Variants in SEMA3A observed in about 807,000 individuals in gnomAD.
The protein encoded by SEMA3A is semaphorin-3A.
In SEMA3A, 29 loss-of-function variants were observed where a neutral mutation model predicts 97.9. The ratio of observed to expected loss-of-function variants is 0.30; its 90% CI spans 0.22 to 0.40. The LOEUF (loss-of-function observed/expected upper bound fraction) is 0.40. Ranked by LOEUF, SEMA3A falls within the 10% of genes least tolerant of loss-of-function variation. SEMA3A has a pLI of 1.00. For synonymous variants in SEMA3A, 321 were observed against 323.7 expected (o/e 0.99, Z 0.09); for missense variants, 763 against 951.3 (o/e 0.80, Z 2.60).
chr7:84,066,785 T>A (rs1014995787), intron 4 of SEMA3A, among the ~76,000 whole-genome samples: 23 of 152,074 alleles, frequency 1.5e-4, no homozygotes, highest in African/African-American at 3.6e-4. Flanking sequence ...TACAAACAAA[T>A]CGAAGAACAT....
intron 6 of SEMA3A, among the ~76,000 whole-genome samples, chr7:84,023,621 C>T (rs912780078): frequency 3.3e-5 from 5 of 152,110 alleles, no homozygotes; most frequent in African/African-American, 1.2e-4. Flanking sequence ...GCAGGGAAGG[C>T]GGAACATATA....
intron 1 of SEMA3A, among the ~76,000 whole-genome samples, chr7:84,430,213 G>T (rs747977689): frequency 2.6e-5 from 4 of 151,770 alleles, no homozygotes; most frequent in Non-Finnish European, 5.9e-5. Flanking sequence ...TATGACACAT[G>T]TTCAGAATAA....
chr7:84,375,956 G>C (rs542936612), intron 1 of SEMA3A, among the ~76,000 whole-genome samples: 2 of 152,110 alleles, frequency 1.3e-5, no homozygotes, highest in Non-Finnish European at 2.9e-5. Flanking sequence ...ACCTTTCTGT[G>C]CCTGACTTAT....
chr7:84,019,223 A>G (rs1045580889), intron 6 of SEMA3A, among the ~76,000 whole-genome samples: 6 of 152,190 alleles, frequency 3.9e-5, no homozygotes, highest in Non-Finnish European at 7.3e-5. Flanking sequence ...GCAAGGGAAC[A>G]TTTGAGCGAT....
intron 1 of SEMA3A, among the ~76,000 whole-genome samples, chr7:84,430,300 A>G (rs1447988158): frequency 6.6e-6 from 1 of 151,996 alleles, no homozygotes; most frequent in African/African-American, 2.4e-5. Flanking sequence ...GGCAAGCAAA[A>G]GTAAGTTTTA....
At chr7:84,007,620 A>G in intron 9 of SEMA3A, 123 bp from the exon 10 acceptor site, 1 of 865,070 alleles carries the variant, frequency 1.2e-6, no homozygotes, top group Non-Finnish European at 1.6e-6. Context: ...ATTCTTAGCA[A>G]TAATGTTTGG....
chr7:84,436,544 C>T (rs1432820864), intron 1 of SEMA3A, among the ~76,000 whole-genome samples: 1 of 152,066 alleles, frequency 6.6e-6, no homozygotes, highest in Non-Finnish European at 1.5e-5. Flanking sequence ...CAAAGTCTTT[C>T]TTTTATTCTT....
intron 3 of SEMA3A, among the ~76,000 whole-genome samples, chr7:84,253,689 A>G (rs1799657786): frequency 6.6e-6 from 1 of 152,118 alleles, no homozygotes; most frequent in Non-Finnish European, 1.5e-5. Context: ...TCTTGGAAGG[A>G]GGGATAGAGG....
intron 1 of SEMA3A, among the ~76,000 whole-genome samples, chr7:84,403,686 T>C (rs755786192): frequency 6.6e-6 from 1 of 152,108 alleles, no homozygotes; most frequent in Non-Finnish European, 1.5e-5. Context: ...GGTACTCCTC[T>C]GAGACAAAAC....
In SEMA3A at chr7:84,122,091, C is replaced by A. The variant is rs189892672; in HGVS notation, c.333+7032G>T. Among the ~76,000 whole-genome samples the A allele has an allele frequency of 4.5e-4, 68 of 151,626 alleles. 2 individuals carry two copies. The East Asian group carries it at 0.01, about 23-fold the overall frequency. On this transcript the variant is annotated intron_variant, in intron 3 of 16. Coordinates refer to ENST00000265362, the MANE Select transcript of SEMA3A (RefSeq NM_006080.3). ...TTCTAGTTCTAGATCCTTGAGGAAT[C>A]GCCACACTGACTTCCACAATGGTTG...
rs549712180 is a variant in SEMA3A, at chr7:83,966,021, T to TCTAA, written c.1718-2678_1718-2675dup. Among the ~76,000 whole-genome samples the TCTAA allele has an allele frequency of 2.5e-4, 38 of 152,090 alleles. No individual in the cohort carries two copies. In the East Asian group the frequency reaches 5.9e-3, roughly 24 times the overall value. ...AAAAAAATCACTTAGTTGTCTTCTTTCTAACTAATTTAATCATTCTAGTTA... is the reference window on the plus strand; with the variant it reads ...AAAAAAATCACTTAGTTGTCTTCTTTCTAACTAACTAATTTAATCATTCTAGTTA... On this transcript the variant is annotated intron_variant, in intron 15 of 16. Transcript: ENST00000265362.
At chr7:84,488,810 C>T (rs1006664344) in intron 1 of SEMA3A, among the ~76,000 whole-genome samples, 10 of 152,248 alleles carry the variant, frequency 6.6e-5, no homozygotes, top group African/African-American at 1.4e-4. Context: ...CAACTATTTA[C>T]GCTTTATTTG....
At chr7:84,341,908 G>A (rs949096855) in intron 2 of SEMA3A, among the ~76,000 whole-genome samples, 1 of 151,986 alleles carries the variant, frequency 6.6e-6, no homozygotes, top group African/African-American at 2.4e-5. Context: ...TGCCCCTCAC[G>A]CTTTAGAATC....
intron 3 of SEMA3A, among the ~76,000 whole-genome samples, chr7:84,126,638 A>G (rs1218229543): frequency 6.6e-6 from 1 of 152,228 alleles, no homozygotes; most frequent in African/African-American, 2.4e-5. Flanking sequence ...ATCCTCAGGT[A>G]TTATCTCACT....
At chr7:84,340,600 G>C (rs890856315) in intron 2 of SEMA3A, among the ~76,000 whole-genome samples, 44 of 151,896 alleles carry the variant, frequency 2.9e-4, no homozygotes, top group African/African-American at 9.7e-4. Flanking sequence ...CCAACATCAT[G>C]AAACCCCATC....
chr7:84,288,452 A>AT (rs1485282443), intron 3 of SEMA3A, among the ~76,000 whole-genome samples: 1 of 152,058 alleles, frequency 6.6e-6, no homozygotes, highest in African/African-American at 2.4e-5. Context: ...TTCAAAGACC[A>AT]TTTGGGGGGC....
At chr7:84,135,376 G>T (rs1796095467) in intron 1 of SEMA3A, among the ~76,000 whole-genome samples, 1 of 152,026 alleles carries the variant, frequency 6.6e-6, no homozygotes, top group Admixed American at 6.6e-5. Flanking sequence ...CTCCCAAGGT[G>T]CTGGGATTAC....
chr7:84,210,961 G>T (rs1798610352), intron 3 of SEMA3A, among the ~76,000 whole-genome samples: 1 of 151,972 alleles, frequency 6.6e-6, no homozygotes, highest in Non-Finnish European at 1.5e-5. Context: ...CTGAAACAGT[G>T]TTAGCACTTA....
At chr7:84,122,887 T>G (rs536818733) in intron 3 of SEMA3A, among the ~76,000 whole-genome samples, 1 of 152,264 alleles carries the variant, frequency 6.6e-6, no homozygotes. Flanking sequence ...TATATAAAAA[T>G]AAATCCCTCA....
Sources: gnomAD v4.1 joint callset for allele counts (sites outside exome capture counted in the v4.1 genomes callset) on GRCh38, gnomAD v4.1.1 for gene constraint, MANE v1.5 for transcripts, NCBI Gene and HGNC (gene_info 2026-07-23, HGNC 2026-07-21) for gene names.